The following PPP2R2C variants were observed in gnomAD, a reference collection of about 807,000 sequenced individuals.
PPP2R2C encodes the protein protein phosphatase 2, regulatory subunit B, gamma.
A neutral mutation model predicts 45.3 loss-of-function variants in PPP2R2C; 10 were observed. The ratio of observed to expected loss-of-function variants is 0.22; its 90% CI spans 0.14 to 0.37. PPP2R2C has a LOEUF of 0.37. Among genes scored for constraint, PPP2R2C ranks in the 10% least tolerant of loss-of-function variants. The pLI is 1.00. For synonymous variants in PPP2R2C, 257 were observed against 245.4 expected, an observed-to-expected ratio of 1.05 and a Z score of -0.44; for missense variants, 308 against 619.7, an observed-to-expected ratio of 0.50 and a Z score of 5.34.
At chr4:6,371,911 A>G (rs1008787145) in intron 5 of PPP2R2C, among the ~76,000 whole-genome samples, 3 of 152,216 alleles carry the variant, frequency 2.0e-5, no homozygotes, top group African/African-American at 7.2e-5. Flanking sequence ...CGGCAGGCCA[A>G]GCCTCGCCCT....
At chr4:6,488,652 C>T (rs1373946754) in intron 2 of PPP2R2C, among the ~76,000 whole-genome samples, 1 of 151,880 alleles carries the variant, frequency 6.6e-6, no homozygotes, top group Non-Finnish European at 1.5e-5. Context: ...CCACTGCACT[C>T]TAGCCTGGGT....
chr4:6,338,042 A>G (rs1209684429), intron 6 of PPP2R2C, among the ~76,000 whole-genome samples: 1 of 151,662 alleles, frequency 6.6e-6, no homozygotes, highest in Non-Finnish European at 1.5e-5. Flanking sequence ...ACACACATAC[A>G]CACACACACA....
At chr4:6,398,966 C>T (rs1208292428) in intron 1 of PPP2R2C, among the ~76,000 whole-genome samples, 1 of 152,210 alleles carries the variant, frequency 6.6e-6, no homozygotes, top group East Asian at 1.9e-4. Context: ...AAAATACCCA[C>T]ACTGAGTGAA....
In PPP2R2C at chr4:6,519,770, G is replaced by A. The variant is rs865920720; in HGVS notation, c.49+15501C>T. 1.8e-4 allele frequency among the ~76,000 whole-genome samples: 27 copies of A among 152,322 alleles called. 1 individual carries two copies. The Middle Eastern group carries it at 0.01, about 58-fold the overall frequency. On this transcript the variant is annotated intron_variant, in intron 2 of 9. Transcript: ENST00000506140. ...CAGGCAATACTGATATGCATGCTGT[G>A]TGCCAGCAACCAAGCCCCTCAAACA...
chr4:6,487,774 G>T (rs1371812173), intron 2 of PPP2R2C, among the ~76,000 whole-genome samples: 1 of 151,664 alleles, frequency 6.6e-6, no homozygotes, highest in Non-Finnish European at 1.5e-5. Flanking sequence ...TTGGAAATTT[G>T]CCAGCCATTA....
At chr4:6,395,047 C>T (rs1039998689) in intron 1 of PPP2R2C, among the ~76,000 whole-genome samples, 11 of 152,158 alleles carry the variant, frequency 7.2e-5, no homozygotes, top group Non-Finnish European at 1.3e-4. Context: ...CTCTCACCCG[C>T]GAGCCTGCAG....
At chr4:6,472,828 G>T (rs1161892590), upstream of PPP2R2C, among the ~76,000 whole-genome samples, 4 of 152,086 alleles carry the variant, frequency 2.6e-5, no homozygotes, top group Admixed American at 6.5e-5. Flanking sequence ...GATCAGCTGA[G>T]CTTGGGGGGA....
intron 1 of PPP2R2C, among the ~76,000 whole-genome samples, chr4:6,455,993 G>T (rs6819692): frequency 0.68 from 99,939 of 146,652 alleles, 33,556 homozygotes; most frequent in Non-Finnish European, 0.75. Flanking sequence ...AATCCTGGGG[G>T]GGGGGAGCTG....
intron 2 of PPP2R2C, among the ~76,000 whole-genome samples, chr4:6,481,773 G>A (rs1007529075): frequency 6.6e-6 from 1 of 152,006 alleles, no homozygotes; most frequent in African/African-American, 2.4e-5. Flanking sequence ...GAGGTCAGGA[G>A]TTCGAGACAA....
chr4:6,472,680 C>T (rs1272455708), upstream of PPP2R2C, among the ~76,000 whole-genome samples: 1 of 150,880 alleles, frequency 6.6e-6, no homozygotes, highest in Non-Finnish European at 1.5e-5. Flanking sequence ...CCGCTCTCCG[C>T]CCCCGCGGCC....
intron 1 of PPP2R2C, among the ~76,000 whole-genome samples, chr4:6,543,232 C>T (rs114140391): frequency 0.019 from 2,932 of 152,306 alleles, 82 homozygotes; most frequent in African/African-American, 0.066. Context: ...TGTCAATGGA[C>T]TACAACTCGG....
At chr4:6,422,180 T>C (rs1247651217) in intron 1 of PPP2R2C, among the ~76,000 whole-genome samples, 2 of 152,076 alleles carry the variant, frequency 1.3e-5, no homozygotes, top group Non-Finnish European at 2.9e-5. Flanking sequence ...TTGATGAGGC[T>C]CCATAAAATA....
At chr4:6,530,798 G>T (rs1724370975) in intron 2 of PPP2R2C, among the ~76,000 whole-genome samples, 1 of 152,172 alleles carries the variant, frequency 6.6e-6, no homozygotes, top group African/African-American at 2.4e-5. Flanking sequence ...ACTGTAAGTG[G>T]CCATCCCAAC....
chr4:6,554,930 G>GGAAA lies in PPP2R2C; in HGVS notation c.-59+8626_-59+8629dup, dbSNP rs71173447. 8.7e-4 allele frequency among the ~76,000 whole-genome samples: 101 copies of GGAAA among 116,182 alleles called. 1 individual carries two copies. Among genetic ancestry groups the GGAAA allele is most frequent in the African/African-American group, 2.0e-3 (51 of 25,938 alleles). 76.2% of individuals were successfully genotyped at this position (116,182 alleles called of 152,430 possible). Reference sequence around the variant, plus strand: ...AGGAAGGAAGGAAGGAAGGAAGGAAGGAAAGAAAGAAAGAAAGAAAGAAAG... The same window carrying GGAAA: ...AGGAAGGAAGGAAGGAAGGAAGGAAGGAAAGAAAGAAAGAAAGAAAGAAAGAAAG... On this transcript the variant is annotated intron_variant, in intron 1 of 9. Coordinates refer to the PPP2R2C transcript ENST00000506140.
At chr4:6,415,948 G>C (rs1401639919) in intron 1 of PPP2R2C, among the ~76,000 whole-genome samples, 1 of 152,208 alleles carries the variant, frequency 6.6e-6, no homozygotes, top group East Asian at 1.9e-4. Context: ...AACTCTGCCA[G>C]CTGGACCCAA....
At chr4:6,490,252 A>T (rs561764933) in intron 2 of PPP2R2C, among the ~76,000 whole-genome samples, 1 of 152,276 alleles carries the variant, frequency 6.6e-6, no homozygotes, top group East Asian at 1.9e-4. Flanking sequence ...TCTGGGACTT[A>T]TGTCCTCCAT....
At chr4:6,515,745 T>C (rs1452824962) in intron 2 of PPP2R2C, among the ~76,000 whole-genome samples, 1 of 152,188 alleles carries the variant, frequency 6.6e-6, no homozygotes, top group East Asian at 1.9e-4. Context: ...CTAAGTTAGG[T>C]GCTTGTATTT....
intron 2 of PPP2R2C, among the ~76,000 whole-genome samples, chr4:6,516,608 C>T (rs1723835756): frequency 6.6e-6 from 1 of 152,192 alleles, no homozygotes; most frequent in South Asian, 2.1e-4. Flanking sequence ...TGCTGCCTGT[C>T]GTGGCTTCTA....
intron 1 of PPP2R2C, among the ~76,000 whole-genome samples, chr4:6,449,339 G>A (rs890061306): frequency 2.0e-5 from 3 of 152,204 alleles, no homozygotes; most frequent in Non-Finnish European, 4.4e-5. Flanking sequence ...CAGAGAACAG[G>A]CGCGTCTCTA....
Sources: allele counts gnomAD v4.1 joint callset (sites outside exome capture counted in the v4.1 genomes callset), GRCh38; gene constraint gnomAD v4.1.1; transcripts MANE v1.5; gene names NCBI Gene and HGNC (gene_info 2026-07-23, HGNC 2026-07-21).